Variants in ZDHHC1 observed in about 807,000 individuals in gnomAD.
ZDHHC1 encodes zDHHC palmitoyltransferase 1, also known as palmitoyltransferase ZDHHC1.
ZDHHC1 carries 45 observed loss-of-function variants against 46.9 expected under a neutral mutation model. That is an observed-to-expected ratio of 0.96 (90% CI 0.76 to 1.23). ZDHHC1 has a LOEUF of 1.23. Ranked by LOEUF, ZDHHC1 falls within the 50% of genes most tolerant of loss-of-function variation. The pLI is 0.00. For synonymous variants in ZDHHC1, 291 were observed against 286.0 expected (o/e 1.02, Z -0.18); for missense variants, 649 against 670.8 (o/e 0.97, Z 0.36).
intron 1 of ZDHHC1, among the ~76,000 whole-genome samples, chr16:67,409,920 G>A (rs1363052154): frequency 6.9e-6 from 1 of 145,014 alleles, no homozygotes; most frequent in East Asian, 2.0e-4. Flanking sequence ...GGGTGAATGG[G>A]CATTTTGGCA....
In ZDHHC1 at chr16:67,398,332, G is replaced by A. The variant is rs776791471; in HGVS notation, c.815-8C>T. The A allele has an allele frequency of 5.6e-6, 9 of 1,611,224 alleles. No individual in the cohort carries two copies. The highest frequency in any genetic ancestry group is 7.6e-6 in the Non-Finnish European group (9 of 1,178,496). On this transcript the variant is annotated splice_polypyrimidine_tract_variant and splice_region_variant and intron_variant, in intron 7 of 11. Transcript: ENST00000565726. Reference sequence around the variant, plus strand: ...TGGTGAGCTTGTGCCACACTGGTGGGGGGAGGAGAGGGCTCAGTGCGGTGG... The same window carrying A: ...TGGTGAGCTTGTGCCACACTGGTGGAGGGAGGAGAGGGCTCAGTGCGGTGG...
Position 67,398,563 on chromosome 16 carries a change from A to G in ZDHHC1, c.814+10T>C. 2.5e-6 allele frequency: 4 copies of G among 1,591,160 alleles called. No homozygotes were observed. The highest frequency in any genetic ancestry group is 3.4e-6 in the Non-Finnish European group (4 of 1,171,898). On this transcript the variant is annotated intron_variant, in intron 7 of 11. Coordinates refer to ENST00000565726, the MANE Select transcript of ZDHHC1 (RefSeq NM_001323627.2). ...CTGCGTTCCAGAAGGCAGGTGCAGG[A>G]GGCACTTACTGAGATAAATGTGGAA...
At chr16:67,413,154 A>G (rs1357742252) in intron 1 of ZDHHC1, among the ~76,000 whole-genome samples, 2 of 150,944 alleles carry the variant, frequency 1.3e-5, no homozygotes, top group Non-Finnish European at 3.0e-5. Context: ...ATCATCGTTC[A>G]CTGTAACCTC....
At chr16:67,395,130 G>C in intron 10 of ZDHHC1, 57 bp downstream of exon 10, 1 of 1,613,156 alleles carries the variant, frequency 6.2e-7, no homozygotes, top group Non-Finnish European at 8.5e-7. Context: ...CGCCAGGGTA[G>C]AGGCTTCTTT....
At chr16:67,412,055 G>C (rs1164678189) in intron 1 of ZDHHC1, among the ~76,000 whole-genome samples, 4 of 152,072 alleles carry the variant, frequency 2.6e-5, no homozygotes, top group Non-Finnish European at 5.9e-5. Flanking sequence ...AGAGGTTGCA[G>C]TGAGCCGAGA....
At chr16:67,395,605 T>A in intron 8 of ZDHHC1, 39 bp from the exon 9 acceptor site, 1 of 1,542,810 alleles carries the variant, frequency 6.5e-7, no homozygotes, top group Non-Finnish European at 8.8e-7. Flanking sequence ...GGAGGCCAGG[T>A]GTGGCTCCCG....
intron 1 of ZDHHC1, among the ~76,000 whole-genome samples, chr16:67,408,763 T>C (rs1196930391): frequency 2.6e-5 from 4 of 152,204 alleles, no homozygotes; most frequent in African/African-American, 9.6e-5. Flanking sequence ...TGAGATTACA[T>C]GCATGACCCA....
At chr16:67,404,952 G>A (rs2040626128) in intron 3 of ZDHHC1, among the ~76,000 whole-genome samples, 1 of 152,202 alleles carries the variant, frequency 6.6e-6, no homozygotes, top group African/African-American at 2.4e-5. Flanking sequence ...TCCCTAGTGA[G>A]GGGCGTGTCC....
At chr16:67,398,772 C>T (rs367620530) in intron 6 of ZDHHC1, 41 bp from the exon 7 acceptor site, 66 of 1,611,768 alleles carry the variant, frequency 4.1e-5, no homozygotes, top group Middle Eastern at 3.3e-4. Context: ...GGGGACGTGA[C>T]GGGTGACCAG....
intron 2 of ZDHHC1, 68 bp downstream of exon 2, chr16:67,407,699 A>G (rs1216489147): frequency 6.4e-6 from 5 of 778,662 alleles, no homozygotes; most frequent in Non-Finnish European, 1.2e-5. Context: ...AAAGGCAGCA[A>G]ATGTGCTGGG....
chr16:67,404,685 C>T (rs2142246733), intron 3 of ZDHHC1: 1 of 455,472 alleles, frequency 2.2e-6, no homozygotes. Flanking sequence ...TATGTGATCT[C>T]AGGAAGTCAC....
chr16:67,414,139 A>C (rs2040796008), intron 1 of ZDHHC1, among the ~76,000 whole-genome samples: 1 of 152,212 alleles, frequency 6.6e-6, no homozygotes, highest in Admixed American at 6.5e-5. Flanking sequence ...AAACAAGGCC[A>C]GTGAAGAGAG....
intron 1 of ZDHHC1, among the ~76,000 whole-genome samples, chr16:67,412,138 G>GGGAT (rs2142263176): frequency 6.6e-6 from 1 of 151,974 alleles, no homozygotes; most frequent in East Asian, 1.9e-4. Context: ...AAAGGCTGCG[G>GGGAT]GGATGGATAG....
At chr16:67,415,562 G>A (rs1391717985) in intron 1 of ZDHHC1, among the ~76,000 whole-genome samples, 1 of 152,160 alleles carries the variant, frequency 6.6e-6, no homozygotes, top group Non-Finnish European at 1.5e-5. Context: ...TTCGAGAACA[G>A]CCTGGCCAAC....
chr16:67,409,718 A>G (rs2040719492), intron 1 of ZDHHC1, among the ~76,000 whole-genome samples: 1 of 152,186 alleles, frequency 6.6e-6, no homozygotes, highest in Non-Finnish European at 1.5e-5. Context: ...CTTCTCTAGG[A>G]GACCAGATTG....
rs756015946 is a variant in ZDHHC1 at position 67,398,963 on chromosome 16, C to T, written c.531-19G>A. 15 of 1,609,886 alleles carry T rather than the reference C, an allele frequency of 9.3e-6. No homozygotes were observed. The highest frequency in any genetic ancestry group is 3.3e-5 in the South Asian group (3 of 90,220). ...AAAGAGCCTGGGCCCAGCCATGGGT[C>T]GCTGTCAGCTCCCCGGAGCTCCAGC... On this transcript the variant is annotated intron_variant, in intron 5 of 11. Coordinates refer to ENST00000565726, the MANE Select transcript of ZDHHC1 (RefSeq NM_001323627.2).
Position 67,416,355 on chromosome 16 carries a change from G to T in ZDHHC1, c.-223C>A. On this transcript the variant is annotated 5_prime_UTR_variant, in exon 1 of 12. Transcript: ENST00000565726. ...CCCCATCCCGGACGGAGACTGGGCCGGTGAGTCCTCGAGCTCTGGCTCTGG... is the reference window on the plus strand; with the variant it reads ...CCCCATCCCGGACGGAGACTGGGCCTGTGAGTCCTCGAGCTCTGGCTCTGG... 1 of 185,520 alleles carries T rather than the reference G, an allele frequency of 5.4e-6. No homozygotes were observed. The highest frequency in any genetic ancestry group is 1.1e-5 in the Non-Finnish European group (1 of 88,770). The allele number at this position is 185,520 out of a possible 1,614,324, so 11.5% of individuals were successfully genotyped here.
chr16:67,409,180 C>T (rs909412231), intron 1 of ZDHHC1, among the ~76,000 whole-genome samples: 3 of 152,004 alleles, frequency 2.0e-5, no homozygotes, highest in South Asian at 2.1e-4. Context: ...GCCAGGCGCC[C>T]GCCACTTACA....
chr16:67,398,974 C>T (rs1321264894), intron 5 of ZDHHC1, 30 bp from the exon 6 acceptor site: 2 of 1,606,202 alleles, frequency 1.2e-6, no homozygotes, highest in South Asian at 2.2e-5. Context: ...GCTGTCAGCT[C>T]CCCGGAGCTC....
Sources: allele counts gnomAD v4.1 joint callset (sites outside exome capture counted in the v4.1 genomes callset), GRCh38; gene constraint gnomAD v4.1.1; transcripts MANE v1.5; gene names NCBI Gene and HGNC (gene_info 2026-07-23, HGNC 2026-07-21).